GPC6: variants seen among roughly 807,000 people sequenced by gnomAD.
GPC6 encodes the protein glypican-6.
In GPC6, 14 loss-of-function variants were observed where a neutral mutation model predicts 55.2. The ratio of observed to expected loss-of-function variants is 0.25; its 90% CI spans 0.17 to 0.40. The LOEUF is 0.40. Ranked by LOEUF, GPC6 falls within the 10% of genes least tolerant of loss-of-function variation. The pLI is 1.00. For synonymous variants in GPC6, 278 were observed against 259.6 expected (o/e 1.07, Z -0.68); for missense variants, 641 against 708.5 (o/e 0.90, Z 1.08).
intron 2 of GPC6, among the ~76,000 whole-genome samples, chr13:93,618,675 A>G (rs1245488970): frequency 3.9e-5 from 6 of 152,158 alleles, no homozygotes; most frequent in Non-Finnish European, 8.8e-5. Flanking sequence ...CAAATTTATC[A>G]TGCTTCAAAT....
chr13:93,932,881 A>G (rs149729798), intron 3 of GPC6, among the ~76,000 whole-genome samples: 1,764 of 149,620 alleles, frequency 0.012, 36 homozygotes, highest in African/African-American at 0.042. Flanking sequence ...AAACAAATGT[A>G]TTTTCTTTGA....
chr13:93,714,245 A>T (rs1478180352), intron 2 of GPC6, among the ~76,000 whole-genome samples: 1 of 151,690 alleles, frequency 6.6e-6, no homozygotes, highest in Admixed American at 6.6e-5. Flanking sequence ...GAGCAAATGA[A>T]AAACAACCCC....
rs144428002 is a variant in GPC6, at chr13:93,412,982, A to G, written c.161-132281A>G. Among the ~76,000 whole-genome samples, 22 of 152,314 alleles carry G rather than the reference A, an allele frequency of 1.4e-4. No homozygotes were observed. The East Asian group carries it at 3.9e-3, about 27-fold the overall frequency. ...CTGGAAACCTGCCTAGATTCTTTGT[A>G]TAAGAAACACAAATTTAATTTCTAT... On this transcript the variant is annotated intron_variant, in intron 1 of 8. Coordinates refer to ENST00000377047, the MANE Select transcript of GPC6 (RefSeq NM_005708.5).
intron 3 of GPC6, among the ~76,000 whole-genome samples, chr13:93,851,266 G>A (rs1888232): frequency 0.42 from 63,802 of 151,608 alleles, 14,618 homozygotes; most frequent in African/African-American, 0.6. Context: ...TTTTGTATAT[G>A]ATTCATAATT....
chr13:93,492,273 C>G (rs1226981124), intron 1 of GPC6, among the ~76,000 whole-genome samples: 1 of 144,008 alleles, frequency 6.9e-6, no homozygotes, highest in Admixed American at 7.0e-5. Context: ...ATTTAATTCT[C>G]TTTGAAGCAA....
chr13:93,985,712 A>AAT (rs1880998892), intron 3 of GPC6, among the ~76,000 whole-genome samples: 1 of 150,672 alleles, frequency 6.6e-6, no homozygotes, highest in Non-Finnish European at 1.5e-5. Context: ...AAAAAAAAAA[A>AAT]ATTAAAAAAC....
At chr13:94,392,021 T>C (rs7999264) in intron 7 of GPC6, among the ~76,000 whole-genome samples, 132,541 of 152,256 alleles carry the variant, frequency 0.87, 57,889 homozygotes, top group African/African-American at 0.94. Flanking sequence ...GTGTATACCA[T>C]ATTTTATTTC....
chr13:94,306,825 T>C (rs543398058), intron 6 of GPC6, among the ~76,000 whole-genome samples: 41 of 152,348 alleles, frequency 2.7e-4, no homozygotes, highest in Non-Finnish European at 4.1e-4. Context: ...TGATTATTTT[T>C]AATTCAATTT....
intron 2 of GPC6, among the ~76,000 whole-genome samples, chr13:93,822,230 C>A (rs865915542): frequency 1.3e-5 from 2 of 151,854 alleles, no homozygotes; most frequent in Admixed American, 1.3e-4. Context: ...AAATGAGGCA[C>A]CATTTTGGCC....
At chr13:93,326,299 C>T (rs1409092394) in intron 1 of GPC6, among the ~76,000 whole-genome samples, 1 of 152,132 alleles carries the variant, frequency 6.6e-6, no homozygotes, top group Non-Finnish European at 1.5e-5. Context: ...TGCAAATTCT[C>T]ATGCAATAGG....
At chr13:94,167,108 C>T (rs1436495970) in intron 4 of GPC6, among the ~76,000 whole-genome samples, 1 of 152,054 alleles carries the variant, frequency 6.6e-6, no homozygotes, top group Non-Finnish European at 1.5e-5. Context: ...TATCAGCCAG[C>T]CAAATTTTAA....
intron 2 of GPC6, among the ~76,000 whole-genome samples, chr13:93,829,236 C>G (rs1260002660): frequency 6.6e-6 from 1 of 152,174 alleles, no homozygotes; most frequent in Non-Finnish European, 1.5e-5. Flanking sequence ...CTTGAACTTG[C>G]TCTACCCAAG....
chr13:94,351,141 T>C (rs1449950563), intron 6 of GPC6, among the ~76,000 whole-genome samples: 1 of 152,020 alleles, frequency 6.6e-6, no homozygotes, highest in African/African-American at 2.4e-5. Flanking sequence ...CTGAAAAGAT[T>C]CCTAAATAAA....
intron 6 of GPC6, among the ~76,000 whole-genome samples, chr13:94,329,474 T>A (rs892997418): frequency 6.6e-6 from 1 of 152,142 alleles, no homozygotes; most frequent in Admixed American, 6.5e-5. Flanking sequence ...CAGAAGAGAA[T>A]CACGCTTTCA....
chr13:94,020,560 C>G (rs1420942575), intron 3 of GPC6, among the ~76,000 whole-genome samples: 2 of 152,062 alleles, frequency 1.3e-5, no homozygotes, highest in African/African-American at 4.8e-5. Flanking sequence ...GGCACTGTGT[C>G]TGCCATTTGT....
intron 2 of GPC6, among the ~76,000 whole-genome samples, chr13:93,583,069 G>C (rs1490068248): frequency 6.6e-6 from 1 of 152,202 alleles, no homozygotes. Flanking sequence ...GATCAGTGAA[G>C]AGCACCCCAG....
chr13:93,602,822 C>A (rs1285906346), intron 2 of GPC6, among the ~76,000 whole-genome samples: 1 of 152,088 alleles, frequency 6.6e-6, no homozygotes, highest in African/African-American at 2.4e-5. Flanking sequence ...CACTACATGT[C>A]AAGAAATGAA....
intron 1 of GPC6, among the ~76,000 whole-genome samples, chr13:93,292,636 T>C (rs949208596): frequency 6.6e-6 from 1 of 152,222 alleles, no homozygotes; most frequent in Non-Finnish European, 1.5e-5. Context: ...AGTGTATTGA[T>C]GTGTTTGTAA....
chr13:93,621,475 A>G (rs73543529), intron 2 of GPC6, among the ~76,000 whole-genome samples: 12,413 of 152,172 alleles, frequency 0.082, 1,681 homozygotes, highest in African/African-American at 0.28. Context: ...AATAACTTGG[A>G]TGTGTTCTCC....
Sources: allele counts gnomAD v4.1 joint callset (sites outside exome capture counted in the v4.1 genomes callset), GRCh38; gene constraint gnomAD v4.1.1; transcripts MANE v1.5; gene names NCBI Gene and HGNC (gene_info 2026-07-23, HGNC 2026-07-21).